The following DAOA variants were observed in gnomAD, a reference collection of about 807,000 sequenced individuals.
The protein encoded by DAOA is D-amino acid oxidase activator.
Under a neutral mutation model 16.4 loss-of-function variants are expected in DAOA, and 15 were observed. The observed-to-expected ratio is 0.91, with a 90% CI of 0.61 to 1.41. The LOEUF is 1.41. Among genes scored for constraint, DAOA ranks in the 40% most tolerant of loss-of-function variants. DAOA has a pLI of 0.00. For synonymous variants in DAOA, 75 were observed against 59.1 expected (o/e 1.27, Z -1.23); for missense variants, 230 against 176.8 (o/e 1.30, Z -1.71).
chr13:105,475,547 T>G (rs1023529268), intron 4 of DAOA, among the ~76,000 whole-genome samples: 1 of 151,926 alleles, frequency 6.6e-6, no homozygotes, highest in Non-Finnish European at 1.5e-5. Flanking sequence ...GAGAGGAACT[T>G]GACCACAGAA....
At chr13:105,474,959 C>G in intron 4 of DAOA, 1 of 937,494 alleles carries the variant, frequency 1.1e-6, no homozygotes, top group Non-Finnish European at 1.3e-6. Flanking sequence ...AACGAACATT[C>G]ACCTCATTTT....
At position 105,483,589 on chromosome 13, in the gene DAOA, C is replaced by A. The variant is rs1264702846; in HGVS notation, c.282-6312C>A. ...TGCTATCTTGTTATGCTTTCATTTG[C>A]ATTTTCCTAATGACTAATGATATTG... On this transcript the variant is annotated intron_variant, in intron 4 of 5. Coordinates refer to ENST00000375936, the MANE Select transcript of DAOA (RefSeq NM_172370.5). Among the ~76,000 whole-genome samples, 6 of 152,054 alleles carry A rather than the reference C, an allele frequency of 3.9e-5. No homozygotes were observed. The East Asian group carries it at 1.2e-3, about 29-fold the overall frequency.
At chr13:105,480,589 G>T (rs562491484) in intron 4 of DAOA, among the ~76,000 whole-genome samples, 1 of 151,976 alleles carries the variant, frequency 6.6e-6, no homozygotes, top group South Asian at 2.1e-4. Flanking sequence ...TAGGAGAATT[G>T]GCTCGTGATT....
chr13:105,487,605 G>A (rs150993395), intron 4 of DAOA, among the ~76,000 whole-genome samples: 260 of 148,906 alleles, frequency 1.7e-3, no homozygotes, highest in African/African-American at 5.9e-3. Context: ...AAAAAAAAAC[G>A]GTTTGCAAGA....
intron 4 of DAOA, among the ~76,000 whole-genome samples, chr13:105,479,870 A>C (rs9558568): frequency 0.29 from 44,369 of 152,100 alleles, 7,741 homozygotes; most frequent in East Asian, 0.57. Flanking sequence ...AAGAAGGGGC[A>C]TAGGACAAAT....
intron 3 of DAOA, among the ~76,000 whole-genome samples, chr13:105,470,295 C>T (rs1020693240): frequency 6.6e-6 from 1 of 152,058 alleles, no homozygotes; most frequent in Non-Finnish European, 1.5e-5. Context: ...CTATTCTTTT[C>T]CAGTTTTGGG....
chr13:105,485,075 C>A (rs1246753041), intron 4 of DAOA, among the ~76,000 whole-genome samples: 8 of 152,078 alleles, frequency 5.3e-5, no homozygotes, highest in Non-Finnish European at 1.2e-4. Context: ...CCACATTGTT[C>A]TTTAAAATGT....
intron 4 of DAOA, among the ~76,000 whole-genome samples, chr13:105,478,969 C>T (rs889267416): frequency 6.6e-6 from 1 of 152,290 alleles, no homozygotes; most frequent in Middle Eastern, 3.4e-3. Flanking sequence ...ATTATCTCAT[C>T]AATTCATTTA....
chr13:105,483,684 T>A (rs1223046452), intron 4 of DAOA, among the ~76,000 whole-genome samples: 1 of 151,312 alleles, frequency 6.6e-6, no homozygotes, highest in Non-Finnish European at 1.5e-5. Context: ...TGCTCATTTT[T>A]ATTTTTTTTC....
chr13:105,472,552 G>T lies in DAOA; in HGVS notation c.148G>T (p.Glu50Ter), dbSNP rs750659467. Residue 50 changes from glutamate (E) to a stop codon, truncating the protein, a stop_gained, in exon 4 of 6, where the codon GAA (glutamate) becomes TAA (stop). Transcript: ENST00000375936. LOFTEE classifies it high-confidence loss of function. The stretch of plus-strand genomic sequence containing the variant: ...TACTGTTGCAGCAAAGGAGACAGAA[G>T]AAGGAAGAGAGACGGTAACAAGGAA... ...SLNSIAKETEEGRETVTRKEG... is the reference protein window; with the variant it reads ...SLNSIAKETE 2.5e-6 allele frequency: 4 copies of T among 1,613,740 alleles called. No homozygotes were observed. Among genetic ancestry groups the T allele is most frequent in the Non-Finnish European group, 3.4e-6 (4 of 1,179,878 alleles).
intron 4 of DAOA, among the ~76,000 whole-genome samples, chr13:105,480,239 T>C (rs1370292444): frequency 6.6e-6 from 1 of 152,222 alleles, no homozygotes; most frequent in Non-Finnish European, 1.5e-5. Flanking sequence ...TTTTGGAGGC[T>C]GTCATTTTCT....
At chr13:105,482,036 G>T (rs1877780866) in intron 4 of DAOA, among the ~76,000 whole-genome samples, 1 of 152,132 alleles carries the variant, frequency 6.6e-6, no homozygotes, top group African/African-American at 2.4e-5. Flanking sequence ...AGTCAAGAGA[G>T]AGAGCCTGTG....
chr13:105,470,515 G>A (rs1047281204), intron 3 of DAOA, among the ~76,000 whole-genome samples: 23 of 152,024 alleles, frequency 1.5e-4, no homozygotes, highest in Non-Finnish European at 8.8e-5. Flanking sequence ...GAAGCTAGAC[G>A]GTAAAAGCAC....
intron 2 of DAOA, 65 bp downstream of exon 2, chr13:105,466,397 A>G (rs1876517754): frequency 1.2e-6 from 2 of 1,610,912 alleles, no homozygotes; most frequent in Non-Finnish European, 8.5e-7. Flanking sequence ...GCATGGCAGC[A>G]CAGAGCTCCC....
intron 4 of DAOA, among the ~76,000 whole-genome samples, chr13:105,482,351 A>G (rs1877800641): frequency 6.8e-6 from 1 of 147,572 alleles, no homozygotes; most frequent in South Asian, 2.1e-4. Flanking sequence ...GCCTTTTTTA[A>G]CTCTCATTTT....
chr13:105,482,499 G>A (rs1877814008), intron 4 of DAOA, among the ~76,000 whole-genome samples: 1 of 148,836 alleles, frequency 6.7e-6, no homozygotes, highest in Non-Finnish European at 1.5e-5. Flanking sequence ...CTTTGACCTT[G>A]GTGTAAGTTT....
chr13:105,478,617 A>G (rs1877504133), intron 4 of DAOA, among the ~76,000 whole-genome samples: 1 of 152,184 alleles, frequency 6.6e-6, no homozygotes, highest in Admixed American at 6.5e-5. Context: ...CCTTCTCTGC[A>G]CCTTCCATGG....
intron 4 of DAOA, among the ~76,000 whole-genome samples, chr13:105,488,580 A>G (rs548481248): frequency 1.3e-5 from 2 of 152,322 alleles, no homozygotes; most frequent in South Asian, 4.1e-4. Context: ...CCACTACTGT[A>G]TTCCTCCACA....
intron 4 of DAOA, among the ~76,000 whole-genome samples, chr13:105,488,727 G>T (rs76267339): frequency 6.6e-6 from 1 of 152,110 alleles, no homozygotes; most frequent in Admixed American, 6.5e-5. Flanking sequence ...TTATTCTCTA[G>T]CCTTCTAAAG....
Sources: allele counts gnomAD v4.1 joint callset (sites outside exome capture counted in the v4.1 genomes callset), GRCh38; gene constraint gnomAD v4.1.1; transcripts MANE v1.5; gene names NCBI Gene and HGNC (gene_info 2026-07-23, HGNC 2026-07-21).